ARHGAP8: variants seen among roughly 807,000 people sequenced by gnomAD.
ARHGAP8 encodes the protein rho GTPase-activating protein 8.
ARHGAP8 carries 62 observed loss-of-function variants against 46.1 expected under a neutral mutation model. That is an observed-to-expected ratio of 1.34 (90% CI 1.10 to 1.66). ARHGAP8 has a LOEUF of 1.66. ARHGAP8 is among the 40% of genes most tolerant of loss of function. ARHGAP8 has a pLI of 0.00. For synonymous variants in ARHGAP8, 375 were observed against 243.1 expected (o/e 1.54, Z -5.05); for missense variants, 923 against 568.4 (o/e 1.62, Z -6.34).
intron 7 of ARHGAP8, among the ~76,000 whole-genome samples, chr22:44,829,163 C>T (rs928679821): frequency 1.4e-5 from 2 of 141,268 alleles, no homozygotes; most frequent in Middle Eastern, 4.0e-3. Flanking sequence ...TGGTGTCACA[C>T]ACCTGTAATC....
At position 44,856,621 on chromosome 22, in the gene ARHGAP8, A is replaced by C. The variant is rs201719248; in HGVS notation, c.878-3110A>C. The stretch of plus-strand genomic sequence containing the variant: ...CTGACCATTGGCTGTTCCCCCAGGC[A>C]TTTGGAAGCCAAACTGGCCATAAAG... On this transcript the variant is annotated intron_variant, in intron 10 of 11. Coordinates refer to ENST00000356099, the MANE Select transcript of ARHGAP8 (RefSeq NM_181335.3). Among the ~76,000 whole-genome samples the C allele has an allele frequency of 2.0e-4, 24 of 118,466 alleles. 3 individuals carry two copies. The East Asian group carries it at 5.2e-3, about 25-fold the overall frequency. 77.7% of individuals were successfully genotyped at this position (118,466 alleles called of 152,430 possible). A position where few individuals can be genotyped will look rare whatever the true frequency, so the allele number is the denominator to read the frequency against.
chr22:44,840,124 T>C (rs140456607), intron 7 of ARHGAP8, among the ~76,000 whole-genome samples: 5 of 152,206 alleles, frequency 3.3e-5, no homozygotes, highest in Non-Finnish European at 7.3e-5. Flanking sequence ...TCAGGCTCTT[T>C]AGGACAGGAG....
At chr22:44,763,316 G>T (rs1317303960) in intron 1 of ARHGAP8, among the ~76,000 whole-genome samples, 1 of 151,696 alleles carries the variant, frequency 6.6e-6, no homozygotes, top group Non-Finnish European at 1.5e-5. Context: ...GGCCAACATG[G>T]TGAAACCCCA....
rs890305283 is a variant in ARHGAP8 at position 44,797,921 on chromosome 22, C to T, written c.80-4156C>T. 3.9e-5 allele frequency among the ~76,000 whole-genome samples: 6 copies of T among 152,128 alleles called. No individual in the cohort carries two copies. In the East Asian group the frequency reaches 9.6e-4, roughly 24 times the overall value. Reference sequence around the variant, plus strand: ...TTCCTGAGCTCAAGTGAGCCTTCCACCTCAGCCTCCCAAAGTGCTGGGATT... The same window carrying T: ...TTCCTGAGCTCAAGTGAGCCTTCCATCTCAGCCTCCCAAAGTGCTGGGATT... On this transcript the variant is annotated intron_variant, in intron 2 of 11. Transcript: ENST00000356099.
chr22:44,779,930 C>T (rs186513101), intron 1 of ARHGAP8, among the ~76,000 whole-genome samples: 1 of 152,164 alleles, frequency 6.6e-6, no homozygotes, highest in Admixed American at 6.5e-5. Context: ...TCAAACCCTG[C>T]GGGCTTGTGT....
intron 2 of ARHGAP8, among the ~76,000 whole-genome samples, chr22:44,801,264 A>G (rs536954999): frequency 2.4e-4 from 21 of 87,228 alleles, no homozygotes; most frequent in Non-Finnish European, 4.0e-4. Flanking sequence ...GCAGCTGTCT[A>G]TGTGTGAGGG....
At chr22:44,853,170 C>G (rs2070139520) in intron 10 of ARHGAP8, among the ~76,000 whole-genome samples, 1 of 152,098 alleles carries the variant, frequency 6.6e-6, no homozygotes, top group Admixed American at 6.6e-5. Context: ...TTGAAGTATC[C>G]TTTCATGGTA....
intron 5 of ARHGAP8, among the ~76,000 whole-genome samples, chr22:44,815,199 G>A (rs1236110413): frequency 1.3e-5 from 2 of 152,182 alleles, no homozygotes; most frequent in South Asian, 2.1e-4. Context: ...TGCCCTCTCC[G>A]GGCGGATTCA....
intron 1 of ARHGAP8, among the ~76,000 whole-genome samples, chr22:44,755,027 T>C (rs6006875): frequency 0.22 from 33,553 of 152,126 alleles, 4,122 homozygotes; most frequent in South Asian, 0.46. Flanking sequence ...AGCTATTGGC[T>C]GTCCTTCCCC....
At chr22:44,804,016 C>G (rs1928764476) in intron 3 of ARHGAP8, among the ~76,000 whole-genome samples, 1 of 151,070 alleles carries the variant, frequency 6.6e-6, no homozygotes, top group African/African-American at 2.4e-5. Context: ...CCCAAAGCAG[C>G]TTTGGGTCCA....
Position 44,862,147 on chromosome 22 carries a change from T to A in ARHGAP8, c.982-128T>A. On this transcript the variant is annotated intron_variant, in intron 11 of 11. Coordinates refer to ENST00000356099, the MANE Select transcript of ARHGAP8 (RefSeq NM_181335.3). ...GGTGGCTGCACAGGGTCCCCATTAC[T>A]GGCTGCCGGCTCCCAGTCCAGTGCT... is the stretch of plus-strand genomic sequence containing the variant. 1.7e-6 allele frequency: 2 copies of A among 1,162,206 alleles called. 1 individual carries two copies. The highest frequency in any genetic ancestry group is 2.3e-6 in the Non-Finnish European group (2 of 862,824). The allele number at this position is 1,162,206 out of a possible 1,614,324, so 72.0% of individuals were successfully genotyped here. A position where few individuals can be genotyped will look rare whatever the true frequency, so the allele number is the denominator to read the frequency against.
At chr22:44,768,823 C>A (rs1383753842) in intron 1 of ARHGAP8, among the ~76,000 whole-genome samples, 1 of 149,904 alleles carries the variant, frequency 6.7e-6, no homozygotes, top group Non-Finnish European at 1.5e-5. Context: ...GAGTCCCTGT[C>A]GTGGAGGTGT....
intron 10 of ARHGAP8, among the ~76,000 whole-genome samples, chr22:44,858,489 T>G (rs2070307846): frequency 7.2e-6 from 1 of 139,590 alleles, no homozygotes; most frequent in African/African-American, 2.8e-5. Flanking sequence ...AGCTTCAGCC[T>G]CCCATGTAGC....
chr22:44,779,691 A>T (rs549991413), intron 1 of ARHGAP8, among the ~76,000 whole-genome samples: 1 of 150,754 alleles, frequency 6.6e-6, no homozygotes, highest in Admixed American at 6.7e-5. Flanking sequence ...TTTCCCGAGT[A>T]GCCGGGATTA....
intron 10 of ARHGAP8, chr22:44,850,564 G>A (rs1221506446): frequency 6.6e-6 from 1 of 152,194 alleles, no homozygotes; most frequent in East Asian, 1.9e-4. Flanking sequence ...GTTCCTGCTT[G>A]AGAAAACTCA....
chr22:44,828,080 C>G (rs1930663794), intron 7 of ARHGAP8, among the ~76,000 whole-genome samples: 1 of 152,204 alleles, frequency 6.6e-6, no homozygotes, highest in South Asian at 2.1e-4. Context: ...CTGCACAGCT[C>G]TGACCGATTC....
intron 4 of ARHGAP8, chr22:44,809,196 G>C: frequency 2.1e-6 from 1 of 470,774 alleles, no homozygotes; most frequent in Non-Finnish European, 4.4e-6. Flanking sequence ...CAACAACTCT[G>C]CTGGACTGTG....
intron 1 of ARHGAP8, among the ~76,000 whole-genome samples, chr22:44,761,183 T>C (rs1925103564): frequency 6.6e-6 from 1 of 151,576 alleles, no homozygotes; most frequent in African/African-American, 2.4e-5. Flanking sequence ...CATGTTAACA[T>C]TAGCAAAAGG....
chr22:44,768,100 A>G lies in ARHGAP8; in HGVS notation c.-72+15473A>G, dbSNP rs750577809. Among the ~76,000 whole-genome samples, 123 of 139,406 alleles carry G rather than the reference A, an allele frequency of 8.8e-4. 2 individuals carry two copies. The highest frequency in any genetic ancestry group is 2.0e-3 in the Admixed American group (25 of 12,730). The allele number at this position is 139,406 out of a possible 152,430, so 91.5% of individuals were successfully genotyped here. A position where few individuals can be genotyped will look rare whatever the true frequency, so the allele number is the denominator to read the frequency against. ...CTGCAACCTCCACCTCCCGAGTTCA[A>G]GCAATTCTGCCTCAGCCTCCTGAGT... On this transcript the variant is annotated intron_variant, in intron 1 of 11. Coordinates refer to ENST00000356099, the MANE Select transcript of ARHGAP8 (RefSeq NM_181335.3).
Sources: gnomAD v4.1 joint callset for allele counts (sites outside exome capture counted in the v4.1 genomes callset) on GRCh38, gnomAD v4.1.1 for gene constraint, MANE v1.5 for transcripts, NCBI Gene and HGNC (gene_info 2026-07-23, HGNC 2026-07-21) for gene names.